RFT1: variants seen among roughly 807,000 people sequenced by gnomAD.
RFT1 encodes man(5)GlcNAc(2)-PP-dolichol translocation protein RFT1.
RFT1 carries 43 observed loss-of-function variants against 62.2 expected under a neutral mutation model. The ratio of observed to expected loss-of-function variants is 0.69; its 90% CI spans 0.54 to 0.89. RFT1 has a LOEUF of 0.89. Among genes scored for constraint, RFT1 ranks in the 40% least tolerant of loss-of-function variants. The pLI, the probability that RFT1 is intolerant of heterozygous loss-of-function variation, is 0.00. For synonymous variants in RFT1, 262 were observed against 264.6 expected, an observed-to-expected ratio of 0.99 and a Z score of 0.10; for missense variants, 605 against 649.9, an observed-to-expected ratio of 0.93 and a Z score of 0.75.
the RFT1 span, among the ~76,000 whole-genome samples, chr3:53,076,732 C>T: frequency 1.1e-4 from 16 of 152,160 alleles, no homozygotes; most frequent in African/African-American, 3.9e-4. Flanking sequence ...AGGAGGATCG[C>T]TTGAGGCCAG....
Position 53,104,169 on chromosome 3 carries a change from G to A in RFT1, c.958-72C>T, listed in dbSNP as rs553551697. The A allele has an allele frequency of 9.1e-4, 1,360 of 1,498,246 alleles. 1 individual carries two copies. The highest frequency in any genetic ancestry group is 1.2e-3 in the Non-Finnish European group (1,261 of 1,080,208). 92.8% of individuals were successfully genotyped at this position (1,498,246 alleles called of 1,614,324 possible). Reference sequence around the variant, plus strand: ...AGAAAACCTTCATCCTTCACGTCTGGCCTTCTCCCTTCACTGTTTTACAGT... The same window carrying A: ...AGAAAACCTTCATCCTTCACGTCTGACCTTCTCCCTTCACTGTTTTACAGT... On this transcript the variant is annotated intron_variant, in intron 9 of 12. Transcript: ENST00000296292.
intron 11 of RFT1, among the ~76,000 whole-genome samples, chr3:53,092,965 C>T (rs957687604): frequency 3.3e-5 from 5 of 152,232 alleles, no homozygotes; most frequent in African/African-American, 1.2e-4. Context: ...AACTCTGTGA[C>T]AGGCCCTGTG....
chr3:53,127,573 T>G (rs1184661252), intron 1 of RFT1, among the ~76,000 whole-genome samples: 2 of 149,652 alleles, frequency 1.3e-5, no homozygotes, highest in Non-Finnish European at 3.0e-5. Context: ...TGGTGGCAGG[T>G]GCCTGTAAGT....
At chr3:53,076,611 T>C in the RFT1 span, among the ~76,000 whole-genome samples, 1 of 152,088 alleles carries the variant, frequency 6.6e-6, no homozygotes, top group Non-Finnish European at 1.5e-5. Flanking sequence ...AGGAAATGTA[T>C]GGAGAGGTGG....
chr3:53,114,532 G>A (rs1450747357), intron 6 of RFT1, among the ~76,000 whole-genome samples: 1 of 152,188 alleles, frequency 6.6e-6, no homozygotes, highest in Non-Finnish European at 1.5e-5. Context: ...TGCGGCTTCT[G>A]CAGGCAGGGG....
At chr3:53,126,060 A>T in intron 1 of RFT1, 66 bp from the exon 2 acceptor site, 1 of 1,284,240 alleles carries the variant, frequency 7.8e-7, no homozygotes, top group Non-Finnish European at 1.1e-6. Context: ...AGCTGAAATG[A>T]GAACAATGTG....
At chr3:53,103,591 A>G (rs1427505529) in intron 10 of RFT1, 1 of 343,926 alleles carries the variant, frequency 2.9e-6, no homozygotes, top group Non-Finnish European at 5.6e-6. Flanking sequence ...TGTGTTTAGT[A>G]CCAAGTGGAG....
chr3:53,083,818 A>C (rs1700804627), downstream of RFT1, among the ~76,000 whole-genome samples: 1 of 152,254 alleles, frequency 6.6e-6, no homozygotes, highest in Non-Finnish European at 1.5e-5. Context: ...ACATCTGCAC[A>C]TCTGCGAGAA....
chr3:53,081,557 G>A, the RFT1 span, among the ~76,000 whole-genome samples: 4 of 152,096 alleles, frequency 2.6e-5, no homozygotes, highest in African/African-American at 4.8e-5. Flanking sequence ...CCTGGACCAC[G>A]TAAGGTGGGT....
At chr3:53,110,794 G>A (rs1488038258) in intron 7 of RFT1, among the ~76,000 whole-genome samples, 1 of 152,070 alleles carries the variant, frequency 6.6e-6, no homozygotes, top group African/African-American at 2.4e-5. Context: ...AATACATTCA[G>A]TAATAGGTAT....
At chr3:53,099,279 C>G (rs1053246456) in intron 11 of RFT1, 102 bp downstream of exon 11, 6 of 907,518 alleles carry the variant, frequency 6.6e-6, no homozygotes, top group Non-Finnish European at 1.1e-5. Flanking sequence ...TCTAAAACAG[C>G]CATCTGTAAA....
rs1299556061 is a variant in RFT1 at position 53,097,841 on chromosome 3, C to T, written c.1208+1540G>A. Among the ~76,000 whole-genome samples, 5 of 152,180 alleles carry T rather than the reference C, an allele frequency of 3.3e-5. No individual in the cohort carries two copies. The South Asian group carries it at 8.3e-4, about 25-fold the overall frequency. Reference sequence around the variant, plus strand: ...ATTTTCAAAGCTAAATTGAAATAGACTTTTTCATCCATAGGGAAAGAAGAG... The same window carrying T: ...ATTTTCAAAGCTAAATTGAAATAGATTTTTTCATCCATAGGGAAAGAAGAG... On this transcript the variant is annotated intron_variant, in intron 11 of 12. Coordinates refer to ENST00000296292, the MANE Select transcript of RFT1 (RefSeq NM_052859.4).
At chr3:53,120,119 AACTGCACT>A (rs1701928603) in intron 5 of RFT1, 98 bp from the exon 6 acceptor site, 1 of 524,316 alleles carries the variant, frequency 1.9e-6, no homozygotes, top group African/African-American at 2.5e-5. Flanking sequence ...TCTCTTGATT[AACTGCACT>A]TTCTATTCAG....
the RFT1 span, among the ~76,000 whole-genome samples, chr3:53,066,909 C>T: frequency 6.6e-6 from 1 of 152,212 alleles, no homozygotes; most frequent in Non-Finnish European, 1.5e-5. Context: ...GGAAACAACC[C>T]AAATATCCAT....
intron 5 of RFT1, among the ~76,000 whole-genome samples, 189 bp downstream of exon 5, chr3:53,121,510 C>A (rs932071478): frequency 6.6e-6 from 1 of 152,192 alleles, no homozygotes; most frequent in Non-Finnish European, 1.5e-5. Context: ...GAAACACCTA[C>A]GGTCTCAGTG....
intron 10 of RFT1, among the ~76,000 whole-genome samples, chr3:53,102,629 G>T (rs901253317): frequency 6.6e-6 from 1 of 152,182 alleles, no homozygotes; most frequent in African/African-American, 2.4e-5. Context: ...TAAATGCAGG[G>T]CTAATCCCAA....
At position 53,105,845 on chromosome 3, in the gene RFT1, T is replaced by C. The variant is rs746955049; in HGVS notation, c.827-42A>G. On this transcript the variant is annotated intron_variant, in intron 8 of 12. Transcript: ENST00000296292. ...AAGAAACAACAATCATGTTGGTTTTTCTATTTTAATTTTTATAGCACTATT... is the reference window on the plus strand; with the variant it reads ...AAGAAACAACAATCATGTTGGTTTTCCTATTTTAATTTTTATAGCACTATT... 2.5e-6 allele frequency: 4 copies of C among 1,573,178 alleles called. No homozygotes were observed. In the African/African-American group the frequency reaches 5.4e-5, roughly 21 times the overall value.
chr3:53,096,377 G>A (rs900181798), intron 11 of RFT1, among the ~76,000 whole-genome samples: 1 of 150,662 alleles, frequency 6.6e-6, no homozygotes, highest in African/African-American at 2.4e-5. Context: ...TATATTATGA[G>A]GTTATTAAAA....
At chr3:53,076,180 C>G in the RFT1 span, among the ~76,000 whole-genome samples, 4 of 152,360 alleles carry the variant, frequency 2.6e-5, no homozygotes, top group Admixed American at 2.6e-4. Flanking sequence ...GCATCCTGGG[C>G]AGGCGGTTGG....
Sources: gnomAD v4.1 joint callset for allele counts (sites outside exome capture counted in the v4.1 genomes callset) on GRCh38, gnomAD v4.1.1 for gene constraint, MANE v1.5 for transcripts, NCBI Gene and HGNC (gene_info 2026-07-23, HGNC 2026-07-21) for gene names.